Variants in SERTM1 observed in about 807,000 individuals in gnomAD.
SERTM1 encodes serine rich and transmembrane domain containing 1, also known as serine-rich and transmembrane domain-containing protein 1.
A neutral mutation model predicts 5.5 loss-of-function variants in SERTM1; 1 was observed. That is an observed-to-expected ratio of 0.18 (90% CI 0.06 to 0.86). SERTM1 has a LOEUF of 0.86. Among genes scored for constraint, SERTM1 ranks in the 40% least tolerant of loss-of-function variants. SERTM1 has a pLI of 0.69. For missense variants in SERTM1, 91 were observed against 122.4 expected (o/e 0.74, Z 1.21); for synonymous variants, 52 against 55.1 (o/e 0.94, Z 0.25).
At chr13:36,694,249 G>A (rs2056798499) in intron 1 of SERTM1, among the ~76,000 whole-genome samples, 1 of 152,172 alleles carries the variant, frequency 6.6e-6, no homozygotes, top group Non-Finnish European at 1.5e-5. Flanking sequence ...CAGCCAACCT[G>A]ATACTCTCTC....
Position 36,678,465 on chromosome 13 carries a change from G to A in SERTM1, c.-174+4281G>A, listed in dbSNP as rs1234559451. On this transcript the variant is annotated intron_variant, in intron 1 of 1. Coordinates refer to ENST00000315190, the MANE Select transcript of SERTM1 (RefSeq NM_203451.3). The stretch of plus-strand genomic sequence containing the variant: ...AGCATCTTTTCATGTTAGAAAATAC[G>A]GTCCTTTTTCACAGGGAGGGGAACA... Among the ~76,000 whole-genome samples, 12 of 151,476 alleles carry A rather than the reference G, an allele frequency of 7.9e-5. 1 individual carries two copies. Among genetic ancestry groups the A allele is most frequent in the South Asian group, 6.3e-4 (3 of 4,796 alleles).
At chr13:36,694,495 A>G (rs2056799966) in intron 1 of SERTM1, among the ~76,000 whole-genome samples, 1 of 152,194 alleles carries the variant, frequency 6.6e-6, no homozygotes, top group South Asian at 2.1e-4. Context: ...TGCTAGAGGG[A>G]TTTACTGGTC....
At chr13:36,686,827 A>G (rs2056744572) in intron 1 of SERTM1, among the ~76,000 whole-genome samples, 1 of 152,128 alleles carries the variant, frequency 6.6e-6, no homozygotes, top group Non-Finnish European at 1.5e-5. Flanking sequence ...TACATTGAGG[A>G]TCCTTATAAG....
chr13:36,691,728 T>C (rs541726705), intron 1 of SERTM1, among the ~76,000 whole-genome samples: 260 of 152,270 alleles, frequency 1.7e-3, no homozygotes, highest in African/African-American at 5.8e-3. Context: ...GCATTTAAGA[T>C]GAAGTCTCTT....
chr13:36,679,396 G>GT (rs775799311), intron 1 of SERTM1, among the ~76,000 whole-genome samples: 5 of 151,988 alleles, frequency 3.3e-5, no homozygotes, highest in Non-Finnish European at 7.4e-5. Flanking sequence ...TGTTTGTTTT[G>GT]TTTTGTTTTT....
chr13:36,679,153 A>G (rs1479567830), intron 1 of SERTM1, among the ~76,000 whole-genome samples: 2 of 152,244 alleles, frequency 1.3e-5, no homozygotes, highest in African/African-American at 4.8e-5. Flanking sequence ...GCTCAAAAAA[A>G]AAATTTACTA....
chr13:36,681,988 T>C (rs2056708060), intron 1 of SERTM1, among the ~76,000 whole-genome samples: 1 of 152,228 alleles, frequency 6.6e-6, no homozygotes, highest in Non-Finnish European at 1.5e-5. Flanking sequence ...GGGCATAGTT[T>C]GCCCTGGAAC....
chr13:36,690,953 C>A (rs544139256), intron 1 of SERTM1, among the ~76,000 whole-genome samples: 3 of 152,316 alleles, frequency 2.0e-5, no homozygotes, highest in Admixed American at 6.5e-5. Flanking sequence ...CGCAAGGGAA[C>A]AAAGCAGCTT....
intron 1 of SERTM1, among the ~76,000 whole-genome samples, chr13:36,690,135 A>G (rs551842249): frequency 1.1e-4 from 16 of 152,326 alleles, no homozygotes; most frequent in African/African-American, 3.4e-4. Context: ...ACATCACCCA[A>G]TGGACGATTC....
chr13:36,682,311 G>T (rs1566227724), intron 1 of SERTM1, among the ~76,000 whole-genome samples: 1 of 152,170 alleles, frequency 6.6e-6, no homozygotes, highest in South Asian at 2.1e-4. Flanking sequence ...TAGGTGAATT[G>T]TTATTTCTTT....
At position 36,685,255 on chromosome 13, in the gene SERTM1, G is replaced by A. The variant is rs538950678; in HGVS notation, c.-173-9651G>A. On this transcript the variant is annotated intron_variant, in intron 1 of 1. Coordinates refer to ENST00000315190, the MANE Select transcript of SERTM1 (RefSeq NM_203451.3). ...ACAGAGAGCATTGGCAGGCTCGGCC[G>A]CTGTGTTCACACTGAGGATTAGCAG... is the stretch of plus-strand genomic sequence containing the variant. Among the ~76,000 whole-genome samples, 16 of 152,318 alleles carry A rather than the reference G, an allele frequency of 1.1e-4. No individual in the cohort carries two copies. The South Asian group carries it at 1.2e-3, about 12-fold the overall frequency.
Position 36,697,308 on chromosome 13 carries a change from CAT to C in SERTM1, c.*1908_*1909del, listed in dbSNP as rs1380376152. 2 of 94,162 alleles carry C rather than the reference CAT, an allele frequency of 2.1e-5. No individual in the cohort carries two copies. Among genetic ancestry groups the C allele is most frequent in the Non-Finnish European group, 4.8e-5 (2 of 41,386 alleles). The allele number at this position is 94,162 out of a possible 1,614,324, so 5.8% of individuals were successfully genotyped here. ...ATATATACGCACACACACACACACA[CAT>C]AAATATATATATATATATATATATA... On this transcript the variant is annotated 3_prime_UTR_variant, in exon 2 of 2. Coordinates refer to ENST00000315190, the MANE Select transcript of SERTM1 (RefSeq NM_203451.3).
intron 1 of SERTM1, among the ~76,000 whole-genome samples, chr13:36,680,110 A>G (rs2056694337): frequency 6.6e-6 from 1 of 152,206 alleles, no homozygotes; most frequent in Non-Finnish European, 1.5e-5. Flanking sequence ...CACTGATTCC[A>G]GAGCATTTTG....
chr13:36,693,538 A>G (rs1267361550), intron 1 of SERTM1, among the ~76,000 whole-genome samples: 1 of 152,124 alleles, frequency 6.6e-6, no homozygotes, highest in African/African-American at 2.4e-5. Flanking sequence ...TCAAGAACTC[A>G]CTAGGACTCA....
intron 1 of SERTM1, among the ~76,000 whole-genome samples, chr13:36,693,443 T>C (rs2056792764): frequency 1.3e-5 from 2 of 151,724 alleles, no homozygotes; most frequent in Admixed American, 1.3e-4. Context: ...AGCAGCCTAA[T>C]GGAATTAAAA....
chr13:36,686,291 C>A (rs1310453696), intron 1 of SERTM1, among the ~76,000 whole-genome samples: 1 of 152,178 alleles, frequency 6.6e-6, no homozygotes, highest in Non-Finnish European at 1.5e-5. Flanking sequence ...AGTAGTTGAG[C>A]TTTTCTAATG....
intron 1 of SERTM1, among the ~76,000 whole-genome samples, 198 bp downstream of exon 1, chr13:36,674,382 T>C (rs547225963): frequency 6.6e-6 from 1 of 152,170 alleles, no homozygotes; most frequent in East Asian, 2.0e-4. Flanking sequence ...TGAGGTGTCC[T>C]TACTGTCCCG....
intron 1 of SERTM1, among the ~76,000 whole-genome samples, chr13:36,676,665 G>A (rs533706726): frequency 6.6e-6 from 1 of 152,186 alleles, no homozygotes; most frequent in South Asian, 2.1e-4. Context: ...GAAACTAAAA[G>A]CCAAAAAGTA....
chr13:36,675,511 C>T (rs975481841), intron 1 of SERTM1, among the ~76,000 whole-genome samples: 4 of 151,910 alleles, frequency 2.6e-5, no homozygotes, highest in African/African-American at 9.7e-5. Flanking sequence ...CCCCATGCAC[C>T]CTCTGAAAAA....
Sources: gnomAD v4.1 joint callset for allele counts (sites outside exome capture counted in the v4.1 genomes callset) on GRCh38, gnomAD v4.1.1 for gene constraint, MANE v1.5 for transcripts, NCBI Gene and HGNC (gene_info 2026-07-23, HGNC 2026-07-21) for gene names.